FCHO1: variants seen among roughly 807,000 people sequenced by gnomAD.
The protein encoded by FCHO1 is FCH and mu domain containing endocytic adaptor 1, also known as F-BAR domain only protein 1.
FCHO1 carries 45 observed loss-of-function variants against 114.4 expected under a neutral mutation model. The observed-to-expected ratio is 0.39, with a 90% CI of 0.31 to 0.50. FCHO1 has a LOEUF of 0.50. FCHO1 is among the 20% of genes least tolerant of loss of function. FCHO1 has a pLI of 0.77. For synonymous variants in FCHO1, 480 were observed against 488.9 expected (o/e 0.98, Z 0.24); for missense variants, 1,042 against 1,209.6 (o/e 0.86, Z 2.06).
rs1196832183 is a variant in FCHO1 at position 17,778,828 on chromosome 19, C to A, written c.1571C>A (p.Pro524Gln). Residue 524 changes from proline to glutamine, a missense_variant, in exon 20 of 29, where the codon CCG (proline) becomes CAG (glutamine). Physicochemically the swap from Pro to Gln is moderately conservative, Grantham distance 76. Transcript: ENST00000596536. ...GIRAPPLPDS[P>Q]QPLASSPGPW... ...CGGGCACCGCCTCTGCCAGACTCGC[C>A]GCAGCCCCTCGCCTCGTCTCCAGGC... The A allele has an allele frequency of 6.4e-7, 1 of 1,555,226 alleles. No individual in the cohort carries two copies. Among genetic ancestry groups the A allele is most frequent in the South Asian group, 1.2e-5 (1 of 85,848 alleles).
chr19:17,761,882 A>G (rs1301597147), intron 4 of FCHO1, among the ~76,000 whole-genome samples: 1 of 149,830 alleles, frequency 6.7e-6, no homozygotes, highest in African/African-American at 2.5e-5. Flanking sequence ...GCTGATCCCA[A>G]ACTCCTGACC....
At chr19:17,787,659 C>T (rs1253494181) in intron 27 of FCHO1, 23 bp from the exon 28 acceptor site, 6 of 1,539,784 alleles carry the variant, frequency 3.9e-6, no homozygotes, top group African/African-American at 1.4e-5. Context: ...TGCCAGGGCG[C>T]AGCTGACTGC....
rs565001171 is a variant in FCHO1 at position 17,776,331 on chromosome 19, G to A, written c.1207+60G>A. ...CCTAAGGAAGGGAGGCTATGGGTTT[G>A]GGCTTGAATCATAACTCCGTTTTGT... On this transcript the variant is annotated intron_variant, in intron 17 of 28. Coordinates refer to ENST00000596536, the MANE Select transcript of FCHO1 (RefSeq NM_015122.3). The surrounding 1 kb of genome is among the most constrained non-coding windows in gnomAD (Gnocchi z 4.4). 1.7e-5 allele frequency: 28 copies of A among 1,605,928 alleles called. No individual in the cohort carries two copies. In the African/African-American group the frequency reaches 2.1e-4, roughly 12 times the overall value.
At chr19:17,752,723 G>T (rs1472743195) in intron 1 of FCHO1, among the ~76,000 whole-genome samples, 1 of 137,722 alleles carries the variant, frequency 7.3e-6, no homozygotes, top group Non-Finnish European at 1.5e-5. Flanking sequence ...ACACTAGTGA[G>T]ACCTAGTCTC....
chr19:17,787,605 G>A (rs1422674677), intron 27 of FCHO1, 77 bp from the exon 28 acceptor site: 1 of 1,463,080 alleles, frequency 6.8e-7, no homozygotes, highest in African/African-American at 1.4e-5. Flanking sequence ...GGCTTCAGGT[G>A]TGGGCCAAAG....
intron 24 of FCHO1, among the ~76,000 whole-genome samples, chr19:17,783,699 G>A (rs2093633626): frequency 6.6e-6 from 1 of 152,020 alleles, no homozygotes; most frequent in Non-Finnish European, 1.5e-5. Flanking sequence ...TCTTGCCTCA[G>A]CCACCTGAGT....
At chr19:17,764,698 C>A (rs922063427) in intron 6 of FCHO1, among the ~76,000 whole-genome samples, 1 of 152,190 alleles carries the variant, frequency 6.6e-6, no homozygotes, top group Non-Finnish European at 1.5e-5. Flanking sequence ...CACCTTCATG[C>A]AATGTACATC....
rs1036596657 is a variant in FCHO1, at chr19:17,778,506, G to A, written c.1352-103G>A. The A allele has an allele frequency of 7.2e-5, 99 of 1,371,818 alleles. No homozygotes were observed. In the African/African-American group the frequency reaches 1.3e-3, roughly 18 times the overall value. 85.0% of individuals were successfully genotyped at this position (1,371,818 alleles called of 1,614,324 possible). ...GGCGTGCACAAGGACTTTGAATGGG[G>A]GCCCCCCTGACCTTCCCTCGACGTG... is the stretch of plus-strand genomic sequence containing the variant. On this transcript the variant is annotated intron_variant, in intron 19 of 28. Transcript: ENST00000596536.
chr19:17,775,914 G>A lies in FCHO1; in HGVS notation c.1004-69G>A. 1 of 1,564,058 alleles carries A rather than the reference G, an allele frequency of 6.4e-7. No homozygotes were observed. Among genetic ancestry groups the A allele is most frequent in the South Asian group, 1.2e-5 (1 of 86,466 alleles). On this transcript the variant is annotated intron_variant, in intron 15 of 28. Transcript: ENST00000596536. This position sits in a 1 kb window ranked among gnomAD's most constrained non-coding sequence, Gnocchi z 5.1. Reference sequence around the variant, plus strand: ...GAAGGGTTTGAGCAGGGAGGGACGAGGCTGGATTGGAGAGCTGACTGGGGG... The same window carrying A: ...GAAGGGTTTGAGCAGGGAGGGACGAAGCTGGATTGGAGAGCTGACTGGGGG...
At chr19:17,761,403 T>TG (rs1012925663) in intron 4 of FCHO1, among the ~76,000 whole-genome samples, 1 of 147,168 alleles carries the variant, frequency 6.8e-6, no homozygotes, top group African/African-American at 2.6e-5. Flanking sequence ...TTAACACACT[T>TG]TTTTTTTTTT....
chr19:17,784,616 C>A lies in FCHO1; in HGVS notation c.2227-109C>A. ...CATCAAATCTCCCTGTGACTGGACC[C>A]CCTTGGGGCGGTGCGTGCATCGCAG... On this transcript the variant is annotated intron_variant, in intron 25 of 28. Coordinates refer to ENST00000596536, the MANE Select transcript of FCHO1 (RefSeq NM_015122.3). The surrounding 1 kb of genome is among the most constrained non-coding windows in gnomAD (Gnocchi z 5.3). 9.6e-7 allele frequency: 1 copy of A among 1,043,862 alleles called. No homozygotes were observed. The allele number at this position is 1,043,862 out of a possible 1,614,324, so 64.7% of individuals were successfully genotyped here.
At chr19:17,765,882 CTTTTTT>C (rs397859350) in intron 6 of FCHO1, among the ~76,000 whole-genome samples, 1 of 60,142 alleles carries the variant, frequency 1.7e-5, no homozygotes, top group African/African-American at 7.5e-5. Flanking sequence ...CTTAGTCACT[CTTTTTT>C]TTTTTTTTTT....
intron 9 of FCHO1, 87 bp from the exon 10 acceptor site, chr19:17,772,370 G>T: frequency 2.1e-6 from 2 of 953,134 alleles, no homozygotes; most frequent in East Asian, 2.4e-5. Context: ...AAGGGCTTAG[G>T]GTATTCTGAT....
In FCHO1 at chr19:17,776,181, C is replaced by T. The variant is rs542397996; in HGVS notation, c.1182+20C>T. ...CCAGGGGTGAGGCGTGGGAGGGGTG[C>T]CCTGGGTGTTGCTAGAGAGGCTGGC... is the stretch of plus-strand genomic sequence containing the variant. On this transcript the variant is annotated intron_variant, in intron 16 of 28. Coordinates refer to ENST00000596536, the MANE Select transcript of FCHO1 (RefSeq NM_015122.3). The surrounding 1 kb of genome is among the most constrained non-coding windows in gnomAD (Gnocchi z 4.4). The T allele has an allele frequency of 1.2e-6, 2 of 1,613,966 alleles. No homozygotes were observed. Among genetic ancestry groups the T allele is most frequent in the Admixed American group, 1.7e-5 (1 of 60,002 alleles).
In FCHO1 at chr19:17,776,738, A is replaced by G; in HGVS notation, c.1259+52A>G. On this transcript the variant is annotated intron_variant, in intron 18 of 28. Coordinates refer to ENST00000596536, the MANE Select transcript of FCHO1 (RefSeq NM_015122.3). The surrounding 1 kb of genome is among the most constrained non-coding windows in gnomAD (Gnocchi z 4.4). ...GGGGCTGTCCCCACCTCCTCCCTCC[A>G]CCTCCCCATGTCTCCGCCTGGTGTT... 1 of 1,535,498 alleles carries G rather than the reference A, an allele frequency of 6.5e-7. No homozygotes were observed. Among genetic ancestry groups the G allele is most frequent in the Non-Finnish European group, 9.0e-7 (1 of 1,112,270 alleles).
At chr19:17,782,731 G>T (rs1318724853) in intron 23 of FCHO1, among the ~76,000 whole-genome samples, 4 of 152,138 alleles carry the variant, frequency 2.6e-5, no homozygotes, top group Admixed American at 2.6e-4. Context: ...CCAAGCAAAG[G>T]ATAGCTAAAA....
rs1459701348 is a variant in FCHO1 at position 17,786,610 on chromosome 19, A to C, written c.2463A>C (p.Pro821=). 1.2e-5 allele frequency: 16 copies of C among 1,350,368 alleles called. No homozygotes were observed. The highest frequency in any genetic ancestry group is 1.6e-5 in the Non-Finnish European group (16 of 1,017,518). The allele number at this position is 1,350,368 out of a possible 1,614,324, so 83.6% of individuals were successfully genotyped here. A position where few individuals can be genotyped will look rare whatever the true frequency, so the allele number is the denominator to read the frequency against. Residue 821 remains proline, a synonymous_variant, in exon 27 of 29, where the codon CCA becomes CCC. Coordinates refer to ENST00000596536, the MANE Select transcript of FCHO1 (RefSeq NM_015122.3). ...AGAAGCGGCTCACTTGGAGGCTTCC[A>C]GATGTGTCCGAGGCAGGCGGTGAGC... The part of the protein sequence containing the change: ...LEEKRLTWRL[P]DVSEAGGSGR...
At position 17,770,846 on chromosome 19, in the gene FCHO1, T is replaced by C; in HGVS notation, c.544T>C (p.Tyr182His). The change falls in exon 9 of 29, where the codon TAC becomes CAC. Residue 182 changes from tyrosine to histidine, a missense_variant. Around this residue, in one of 3 missense-constraint regions of FCHO1, gnomAD observed 450 missense variants for 564.1 expected, o/e 0.80. Coordinates refer to ENST00000596536, the MANE Select transcript of FCHO1 (RefSeq NM_015122.3). ...AESLRRSVEK[Y>H]NSARADFEQK... is the part of the protein sequence containing the mutation. ...GAGCCTGCGGCGCTCAGTGGAAAAA[T>C]ACAACTCAGCCCGAGCTGACTTTGA... 6.2e-7 allele frequency: 1 copy of C among 1,614,062 alleles called. No individual in the cohort carries two copies. Among genetic ancestry groups the C allele is most frequent in the Non-Finnish European group, 8.5e-7 (1 of 1,180,026 alleles).
chr19:17,788,240 A>G, intron 28 of FCHO1, 44 bp from the exon 29 acceptor site: 1 of 655,828 alleles, frequency 1.5e-6, no homozygotes, highest in Non-Finnish European at 2.7e-6. Flanking sequence ...CCCCTCCCGT[A>G]CCCCTCCTCC....
Sources: gnomAD v4.1 joint callset for allele counts (sites outside exome capture counted in the v4.1 genomes callset) on GRCh38, gnomAD v4.1.1 for gene constraint, gnomAD v4.1.1 regional missense constraint, Gnocchi (gnomAD v3.1) non-coding constraint, MANE v1.5 for transcripts, NCBI Gene and HGNC (gene_info 2026-07-23, HGNC 2026-07-21) for gene names.